The following SYT9 variants were observed in gnomAD, a reference collection of about 807,000 sequenced individuals.
The protein encoded by SYT9 is synaptotagmin-9.
In SYT9, 22 loss-of-function variants were observed where a neutral mutation model predicts 48.4. That is an observed-to-expected ratio of 0.45 (90% confidence interval 0.32 to 0.65). The LOEUF is 0.65. Ranked by LOEUF, SYT9 falls within the 30% of genes least tolerant of loss-of-function variation. SYT9 has a pLI of 0.03. For synonymous variants in SYT9, 265 were observed against 245.0 expected (o/e 1.08, Z -0.76); for missense variants, 577 against 622.0 (o/e 0.93, Z 0.77).
At chr11:7,450,555 A>G (rs1202441829) in intron 6 of SYT9, 2 of 152,204 alleles carry the variant, frequency 1.3e-5, no homozygotes, top group Non-Finnish European at 2.9e-5. Context: ...TAAGATTTGG[A>G]GTTGTTATTG....
At chr11:7,416,394 A>G (rs1275047833) in intron 4 of SYT9, among the ~76,000 whole-genome samples, 1 of 152,134 alleles carries the variant, frequency 6.6e-6, no homozygotes, top group Non-Finnish European at 1.5e-5. Flanking sequence ...CTGTTGTAAA[A>G]CTGAATTCAT....
intron 1 of SYT9, among the ~76,000 whole-genome samples, chr11:7,295,925 C>G (rs1848796860): frequency 6.6e-6 from 1 of 152,146 alleles, no homozygotes; most frequent in South Asian, 2.1e-4. Context: ...TCAATAGGAG[C>G]TCCTTCTCTT....
chr11:7,382,715 ATGT>A (rs1488107561), intron 3 of SYT9, among the ~76,000 whole-genome samples: 1 of 152,184 alleles, frequency 6.6e-6, no homozygotes, highest in African/African-American at 2.4e-5. Context: ...ACATAATGTG[ATGT>A]TGTTATCTTG....
At chr11:7,371,733 C>G (rs762706056) in intron 3 of SYT9, among the ~76,000 whole-genome samples, 2 of 152,100 alleles carry the variant, frequency 1.3e-5, no homozygotes, top group Non-Finnish European at 2.9e-5. Flanking sequence ...ACTGTGATTT[C>G]CTCTTCTTGC....
intron 4 of SYT9, among the ~76,000 whole-genome samples, chr11:7,416,718 A>T (rs1489069039): frequency 6.6e-6 from 1 of 152,146 alleles, no homozygotes; most frequent in African/African-American, 2.4e-5. Flanking sequence ...TATATAAGGG[A>T]CCTGAGCATC....
At chr11:7,314,981 A>T (rs1849214212) in intron 3 of SYT9, among the ~76,000 whole-genome samples, 1 of 152,170 alleles carries the variant, frequency 6.6e-6, no homozygotes, top group Admixed American at 6.5e-5. Context: ...ATCCTCAGCC[A>T]CTTTTATGAA....
intron 3 of SYT9, among the ~76,000 whole-genome samples, chr11:7,351,530 T>A (rs1849914935): frequency 6.6e-6 from 1 of 152,186 alleles, no homozygotes; most frequent in African/African-American, 2.4e-5. Context: ...CCTTACCCTG[T>A]CATCATTGAT....
chr11:7,239,591 A>G (rs750640994), intron 1 of SYT9, among the ~76,000 whole-genome samples: 125 of 152,304 alleles, frequency 8.2e-4, no homozygotes, highest in Non-Finnish European at 1.2e-3. Flanking sequence ...ATTAAAAAAT[A>G]TAGGGCTTTT....
chr11:7,416,630 G>C (rs1003747755), intron 4 of SYT9, among the ~76,000 whole-genome samples: 5 of 152,148 alleles, frequency 3.3e-5, no homozygotes, highest in Non-Finnish European at 5.9e-5. Flanking sequence ...TGCCTGATTA[G>C]GTATTGTAAG....
chr11:7,370,954 T>A (rs1850350971), intron 3 of SYT9, among the ~76,000 whole-genome samples: 1 of 152,198 alleles, frequency 6.6e-6, no homozygotes, highest in African/African-American at 2.4e-5. Flanking sequence ...TCTAAGTATG[T>A]TTCCAGTTTC....
At chr11:7,373,493 C>G (rs1328301183) in intron 3 of SYT9, among the ~76,000 whole-genome samples, 3 of 152,126 alleles carry the variant, frequency 2.0e-5, no homozygotes, top group African/African-American at 7.2e-5. Flanking sequence ...CTGGAAACTG[C>G]TCTTGGTTCC....
chr11:7,314,047 T>A, intron 3 of SYT9, 106 bp downstream of exon 3: 1 of 1,305,596 alleles, frequency 7.7e-7, no homozygotes, highest in East Asian at 2.3e-5. Context: ...TTCCTGTCAA[T>A]GTACATGTAG....
intron 1 of SYT9, among the ~76,000 whole-genome samples, chr11:7,244,818 C>T (rs1263824988): frequency 6.6e-6 from 1 of 152,150 alleles, no homozygotes; most frequent in Non-Finnish European, 1.5e-5. Context: ...AGGATGTGGT[C>T]TAAGAGCAGC....
chr11:7,317,481 G>A (rs151131739), intron 3 of SYT9, among the ~76,000 whole-genome samples: 39 of 152,296 alleles, frequency 2.6e-4, no homozygotes, highest in African/African-American at 8.9e-4. Flanking sequence ...GACAGAGAGA[G>A]GGAGAGAGCT....
chr11:7,292,234 G>A (rs1848708123), intron 1 of SYT9, among the ~76,000 whole-genome samples: 1 of 152,148 alleles, frequency 6.6e-6, no homozygotes, highest in Admixed American at 6.5e-5. Flanking sequence ...ACATGAATTT[G>A]ATCAAAGCAA....
upstream of SYT9, among the ~76,000 whole-genome samples, chr11:7,247,591 ATATATACGTATATATACATATATACGTG>A (rs1011978257): frequency 6.8e-6 from 1 of 147,864 alleles, no homozygotes; most frequent in African/African-American, 2.5e-5. Context: ...ATATATGTGT[ATATATACGTATATATACATATATACGTG>A]TATATATACG....
At chr11:7,358,849 T>C (rs1370688140) in intron 3 of SYT9, among the ~76,000 whole-genome samples, 1 of 152,158 alleles carries the variant, frequency 6.6e-6, no homozygotes, top group Non-Finnish European at 1.5e-5. Context: ...TCTAATTTCT[T>C]CAGATTTTTT....
chr11:7,410,339 G>A (rs952674358), intron 3 of SYT9, among the ~76,000 whole-genome samples: 2 of 152,190 alleles, frequency 1.3e-5, no homozygotes, highest in African/African-American at 4.8e-5. Flanking sequence ...TTCTGTAAGT[G>A]TGTGTTAGTT....
intron 6 of SYT9, among the ~76,000 whole-genome samples, chr11:7,446,659 C>A (rs1015990841): frequency 1.3e-5 from 2 of 152,230 alleles, no homozygotes; most frequent in East Asian, 1.9e-4. Flanking sequence ...GGCCATCCCC[C>A]CCAGCCTCTC....
Sources: allele counts gnomAD v4.1 joint callset (sites outside exome capture counted in the v4.1 genomes callset), GRCh38; gene constraint gnomAD v4.1.1; transcripts MANE v1.5; gene names NCBI Gene and HGNC (gene_info 2026-07-23, HGNC 2026-07-21).